ERC2: variants seen among roughly 807,000 people sequenced by gnomAD.
ERC2 encodes the protein ERC protein 2.
Under a neutral mutation model 114.8 loss-of-function variants are expected in ERC2, and 42 were observed. The observed-to-expected ratio is 0.37, with a 90% CI of 0.29 to 0.47. ERC2 has a LOEUF of 0.47. ERC2 is among the 20% of genes least tolerant of loss of function. ERC2 has a pLI of 0.99. For missense variants in ERC2, 939 were observed against 1,150.7 expected (o/e 0.82, Z 2.66); for synonymous variants, 454 against 425.5 (o/e 1.07, Z -0.82).
intron 2 of ERC2, among the ~76,000 whole-genome samples, chr3:56,368,665 T>C (rs1308959294): frequency 1.3e-5 from 2 of 152,150 alleles, no homozygotes; most frequent in East Asian, 3.9e-4. Context: ...CATCTCGAAT[T>C]CTAGTAGTTC....
At chr3:56,216,741 A>C (rs917953253) in intron 3 of ERC2, among the ~76,000 whole-genome samples, 3 of 152,258 alleles carry the variant, frequency 2.0e-5, no homozygotes, top group African/African-American at 7.2e-5. Context: ...AAAAATCCTC[A>C]GTAAAATACT....
At chr3:55,803,596 C>A (rs1462446483) in intron 14 of ERC2, among the ~76,000 whole-genome samples, 1 of 146,146 alleles carries the variant, frequency 6.8e-6, no homozygotes, top group Non-Finnish European at 1.5e-5. Flanking sequence ...TGTATCTGGT[C>A]CCCTGTTGAT....
intron 3 of ERC2, among the ~76,000 whole-genome samples, chr3:56,235,715 T>C (rs528179581): frequency 2.0e-5 from 3 of 152,352 alleles, no homozygotes; most frequent in Admixed American, 2.0e-4. Flanking sequence ...CAAATGACTA[T>C]TTAAATTTAA....
At chr3:56,197,850 T>C (rs939433711) in intron 3 of ERC2, among the ~76,000 whole-genome samples, 2 of 152,210 alleles carry the variant, frequency 1.3e-5, no homozygotes, top group African/African-American at 4.8e-5. Flanking sequence ...TTCCAAAAAT[T>C]CTTAGTGTTT....
At chr3:56,232,798 A>G (rs1239513731) in intron 3 of ERC2, among the ~76,000 whole-genome samples, 2 of 151,964 alleles carry the variant, frequency 1.3e-5, no homozygotes, top group Non-Finnish European at 2.9e-5. Flanking sequence ...ACTCCACCAC[A>G]CTCTTTGCTG....
chr3:56,201,831 C>T (rs1301759067), intron 3 of ERC2, among the ~76,000 whole-genome samples: 1 of 152,198 alleles, frequency 6.6e-6, no homozygotes, highest in African/African-American at 2.4e-5. Context: ...ACAATTTCTT[C>T]TTTACAACAG....
chr3:55,917,269 G>A (rs923741660), intron 13 of ERC2, among the ~76,000 whole-genome samples: 8 of 152,058 alleles, frequency 5.3e-5, no homozygotes, highest in African/African-American at 1.9e-4. Context: ...TAAATGGCAG[G>A]GGTAAAAACT....
intron 4 of ERC2, among the ~76,000 whole-genome samples, chr3:56,167,222 G>C (rs2082365506): frequency 6.6e-6 from 1 of 152,048 alleles, no homozygotes; most frequent in Non-Finnish European, 1.5e-5. Context: ...TTTATAACCT[G>C]GTTTATGTAC....
At chr3:55,702,074 C>CTAAA (rs1448886144) in intron 15 of ERC2, among the ~76,000 whole-genome samples, 1 of 151,816 alleles carries the variant, frequency 6.6e-6, no homozygotes, top group Non-Finnish European at 1.5e-5. Flanking sequence ...AGCAACAAGC[C>CTAAA]TAAAGTTCCC....
chr3:55,641,241 G>C (rs953544819), intron 17 of ERC2, among the ~76,000 whole-genome samples: 3 of 152,066 alleles, frequency 2.0e-5, no homozygotes, highest in African/African-American at 4.8e-5. Context: ...ATTATACCCT[G>C]ACTTTTCAGA....
chr3:55,703,675 A>G (rs2063344087), intron 15 of ERC2, among the ~76,000 whole-genome samples: 1 of 152,254 alleles, frequency 6.6e-6, no homozygotes, highest in Non-Finnish European at 1.5e-5. Context: ...GTGTCAAAGT[A>G]TATGAGTGTA....
intron 14 of ERC2, among the ~76,000 whole-genome samples, chr3:55,858,651 G>A (rs2061892156): frequency 6.6e-6 from 1 of 152,178 alleles, no homozygotes; most frequent in African/African-American, 2.4e-5. Context: ...CAAAATACAA[G>A]TCTCTATATT....
chr3:55,996,256 A>C (rs567729823), intron 10 of ERC2, among the ~76,000 whole-genome samples: 2 of 152,320 alleles, frequency 1.3e-5, no homozygotes, highest in African/African-American at 4.8e-5. Flanking sequence ...TCCTATTTTC[A>C]TTAGTCAGGA....
rs369405504 is a variant in ERC2, at chr3:56,170,909, C to T, written c.1149+2537G>A. Among the ~76,000 whole-genome samples, 204 of 151,992 alleles carry T rather than the reference C, an allele frequency of 1.3e-3. No homozygotes were observed. In the South Asian group the frequency reaches 0.017, roughly 13 times the overall value. On this transcript the variant is annotated intron_variant, in intron 4 of 17. Transcript: ENST00000288221. ...CCTCCCGAGTAGCTGGGACTACAGG[C>T]GCGTGCCACCACGCCCAGCTAATTT...
intron 13 of ERC2, among the ~76,000 whole-genome samples, chr3:55,931,394 C>T (rs904921187): frequency 6.6e-6 from 1 of 152,172 alleles, no homozygotes; most frequent in African/African-American, 2.4e-5. Context: ...AAACATGGCA[C>T]ATATACACTA....
At chr3:55,600,053 G>A (rs1310335376) in intron 17 of ERC2, among the ~76,000 whole-genome samples, 1 of 152,190 alleles carries the variant, frequency 6.6e-6, no homozygotes, top group African/African-American at 2.4e-5. Flanking sequence ...GCCAGCATTA[G>A]AAGTAGCAAG....
intron 3 of ERC2, among the ~76,000 whole-genome samples, chr3:56,251,438 A>G (rs961812705): frequency 6.6e-6 from 1 of 152,210 alleles, no homozygotes; most frequent in African/African-American, 2.4e-5. Context: ...AATCAATTTA[A>G]TAACTGATCT....
intron 4 of ERC2, among the ~76,000 whole-genome samples, chr3:56,151,106 A>G (rs1002240418): frequency 1.3e-5 from 2 of 152,180 alleles, no homozygotes. Flanking sequence ...AATCTCCATT[A>G]TTGAAGTCAC....
chr3:56,208,950 C>T (rs1286658547), intron 3 of ERC2, among the ~76,000 whole-genome samples: 1 of 152,086 alleles, frequency 6.6e-6, no homozygotes, highest in African/African-American at 2.4e-5. Context: ...AAATGAGGGG[C>T]CTGGTGACTT....
Sources: allele counts gnomAD v4.1 joint callset (sites outside exome capture counted in the v4.1 genomes callset), GRCh38; gene constraint gnomAD v4.1.1; transcripts MANE v1.5; gene names NCBI Gene and HGNC (gene_info 2026-07-23, HGNC 2026-07-21).